DCLK1: variants seen among roughly 807,000 people sequenced by gnomAD.
DCLK1 encodes serine/threonine-protein kinase DCLK1.
DCLK1 carries 16 observed loss-of-function variants against 86.2 expected under a neutral mutation model. The ratio of observed to expected loss-of-function variants is 0.19; its 90% CI spans 0.13 to 0.28. The LOEUF (loss-of-function observed/expected upper bound fraction) is 0.28, where lower values mean the gene tolerates loss of function less well. Ranked by LOEUF, DCLK1 falls within the 10% of genes least tolerant of loss-of-function variation. The pLI is 1.00. For synonymous variants in DCLK1, 369 were observed against 370.5 expected (o/e 1.00, Z 0.05); for missense variants, 590 against 940.2 (o/e 0.63, Z 4.87).
At chr13:36,048,750 CT>C (rs1276078202) in intron 3 of DCLK1, among the ~76,000 whole-genome samples, 1 of 152,188 alleles carries the variant, frequency 6.6e-6, no homozygotes, top group Admixed American at 6.5e-5. Flanking sequence ...CAGCTTCTCT[CT>C]TTCCTTGACA....
At chr13:36,032,871 A>G (rs1021969765) in intron 3 of DCLK1, among the ~76,000 whole-genome samples, 4 of 152,240 alleles carry the variant, frequency 2.6e-5, no homozygotes, top group African/African-American at 9.6e-5. Flanking sequence ...AGTTCCTTGC[A>G]TGGGAAAGAA....
At chr13:35,894,636 C>A (rs1873843212) in intron 4 of DCLK1, among the ~76,000 whole-genome samples, 1 of 152,160 alleles carries the variant, frequency 6.6e-6, no homozygotes, top group Non-Finnish European at 1.5e-5. Context: ...AAGACAACGC[C>A]AGAAGGTGCT....
intron 15 of DCLK1, among the ~76,000 whole-genome samples, chr13:35,803,225 T>C (rs1352467423): frequency 6.6e-6 from 1 of 152,132 alleles, no homozygotes; most frequent in Non-Finnish European, 1.5e-5. Context: ...ATGGGTACAA[T>C]AATACCCATC....
intron 3 of DCLK1, among the ~76,000 whole-genome samples, chr13:36,043,879 TC>T (rs1282476869): frequency 6.6e-6 from 1 of 152,144 alleles, no homozygotes; most frequent in Non-Finnish European, 1.5e-5. Flanking sequence ...GAGAAACTCT[TC>T]CAAAAAATGA....
At chr13:35,871,682 G>A (rs1233523420) in intron 4 of DCLK1, among the ~76,000 whole-genome samples, 1 of 152,166 alleles carries the variant, frequency 6.6e-6, no homozygotes, top group Non-Finnish European at 1.5e-5. Flanking sequence ...TGGGTCTCTT[G>A]GGATAAACTG....
At chr13:36,034,928 C>A (rs895993491) in intron 3 of DCLK1, among the ~76,000 whole-genome samples, 1 of 152,108 alleles carries the variant, frequency 6.6e-6, no homozygotes, top group African/African-American at 2.4e-5. Flanking sequence ...GTTATAAAAG[C>A]GGAAAGGCTT....
rs776435449 is a variant in DCLK1, at chr13:36,119,227, A to G, written c.376+6535T>C. Among the ~76,000 whole-genome samples the G allele has an allele frequency of 3.1e-4, 47 of 152,340 alleles. No individual in the cohort carries two copies. In the Middle Eastern group the frequency reaches 0.01, roughly 33 times the overall value. On this transcript the variant is annotated intron_variant, in intron 2 of 16. Coordinates refer to ENST00000360631, the MANE Select transcript of DCLK1 (RefSeq NM_001330071.2). The stretch of plus-strand genomic sequence containing the variant: ...AGTTGGAGTGCAGAAGAAAGATCTG[A>G]TTTAGGAGTAATAGGCCTTAAAAGA...
At chr13:35,954,565 T>A (rs1877878669) in intron 3 of DCLK1, among the ~76,000 whole-genome samples, 1 of 152,188 alleles carries the variant, frequency 6.6e-6, no homozygotes, top group South Asian at 2.1e-4. Context: ...GCGTGTTACG[T>A]TATTGTCATA....
intron 6 of DCLK1, among the ~76,000 whole-genome samples, chr13:35,841,011 A>G (rs1275520950): frequency 6.6e-6 from 1 of 152,232 alleles, no homozygotes; most frequent in African/African-American, 2.4e-5. Context: ...CTGCAGACAT[A>G]ATGGTGTTCC....
intron 6 of DCLK1, among the ~76,000 whole-genome samples, chr13:35,842,055 TC>T (rs1300857973): frequency 6.6e-6 from 1 of 151,154 alleles, no homozygotes; most frequent in African/African-American, 2.4e-5. Context: ...AAGGAAGTTC[TC>T]CTGCTAAAAA....
intron 4 of DCLK1, among the ~76,000 whole-genome samples, chr13:35,933,410 C>A: frequency 6.6e-6 from 1 of 152,230 alleles, no homozygotes; most frequent in South Asian, 2.1e-4. Context: ...GCTCTGACCC[C>A]ACATTTCCCT....
At chr13:35,916,404 C>T (rs1293947064) in intron 4 of DCLK1, among the ~76,000 whole-genome samples, 1 of 152,126 alleles carries the variant, frequency 6.6e-6, no homozygotes, top group African/African-American at 2.4e-5. Context: ...CAGCTCTCTT[C>T]CCCCTCTGCC....
chr13:35,874,337 GT>G (rs1425310006), intron 4 of DCLK1, among the ~76,000 whole-genome samples: 1 of 152,154 alleles, frequency 6.6e-6, no homozygotes, highest in African/African-American at 2.4e-5. Flanking sequence ...AAATACAGAT[GT>G]TATAAGACTA....
chr13:35,941,430 A>T lies in DCLK1; in HGVS notation c.823+5928T>A, dbSNP rs1289229758. On this transcript the variant is annotated intron_variant, in intron 4 of 16. Coordinates refer to ENST00000360631, the MANE Select transcript of DCLK1 (RefSeq NM_001330071.2). Reference sequence around the variant, plus strand: ...GTACCCAACACCATGGTGATCCATAAGAGAAGCTGAGGAAATGTCCATTCT... The same window carrying T: ...GTACCCAACACCATGGTGATCCATATGAGAAGCTGAGGAAATGTCCATTCT... 2.6e-5 allele frequency among the ~76,000 whole-genome samples: 4 copies of T among 152,216 alleles called. No individual in the cohort carries two copies. In the East Asian group the frequency reaches 7.7e-4, roughly 29 times the overall value.
chr13:35,913,696 A>G (rs1275434053), intron 4 of DCLK1, among the ~76,000 whole-genome samples: 1 of 150,996 alleles, frequency 6.6e-6, no homozygotes, highest in Admixed American at 6.6e-5. Context: ...AATTCTTGTT[A>G]TTCATTGTTC....
chr13:35,937,721 A>T (rs766341195), intron 4 of DCLK1, among the ~76,000 whole-genome samples: 1 of 152,102 alleles, frequency 6.6e-6, no homozygotes, highest in African/African-American at 2.4e-5. Flanking sequence ...GGGGAAGACA[A>T]TTTTTCTAAA....
intron 4 of DCLK1, among the ~76,000 whole-genome samples, chr13:35,932,382 A>G (rs1876497920): frequency 6.6e-6 from 1 of 152,100 alleles, no homozygotes; most frequent in Non-Finnish European, 1.5e-5. Context: ...ATAATAACAC[A>G]AGCCATTTCC....
At chr13:35,778,410 A>G (rs1224338671) in intron 16 of DCLK1, among the ~76,000 whole-genome samples, 4 of 152,118 alleles carry the variant, frequency 2.6e-5, no homozygotes, top group African/African-American at 9.7e-5. Context: ...TACTCTGCCT[A>G]TGGTTAACTA....
intron 3 of DCLK1, among the ~76,000 whole-genome samples, chr13:35,998,877 C>T (rs2153145410): frequency 6.6e-6 from 1 of 152,222 alleles, no homozygotes; most frequent in East Asian, 1.9e-4. Flanking sequence ...TATCACTGGG[C>T]AGTGAATCCA....
Sources: allele counts gnomAD v4.1 joint callset (sites outside exome capture counted in the v4.1 genomes callset), GRCh38; gene constraint gnomAD v4.1.1; transcripts MANE v1.5; gene names NCBI Gene and HGNC (gene_info 2026-07-23, HGNC 2026-07-21).